TUSC3: variants seen among roughly 807,000 people sequenced by gnomAD.
The protein encoded by TUSC3 is dolichyl-diphosphooligosaccharide--protein glycosyltransferase subunit TUSC3.
A neutral mutation model predicts 44.8 loss-of-function variants in TUSC3; 45 were observed. The ratio of observed to expected loss-of-function variants is 1.00; its 90% CI spans 0.79 to 1.29. The LOEUF (loss-of-function observed/expected upper bound fraction) is 1.29, where lower values mean the gene tolerates loss of function less well. TUSC3 is among the 50% of genes most tolerant of loss of function. The pLI, the probability that TUSC3 is intolerant of heterozygous loss-of-function variation, is 0.00. For synonymous variants in TUSC3, 212 were observed against 152.9 expected (o/e 1.39, Z -2.85); for missense variants, 519 against 437.9 (o/e 1.19, Z -1.65).
intron 9 of TUSC3, among the ~76,000 whole-genome samples, chr8:15,751,439 C>T (rs1464317111): frequency 1.3e-5 from 2 of 152,142 alleles, no homozygotes; most frequent in African/African-American, 4.8e-5. Flanking sequence ...TTAGAGCCTT[C>T]TATGTCCCTT....
intron 2 of TUSC3, among the ~76,000 whole-genome samples, chr8:15,534,663 C>A (rs1279749511): frequency 2.2e-5 from 3 of 136,334 alleles, no homozygotes; most frequent in Non-Finnish European, 3.2e-5. Context: ...AAAAAAAAAA[C>A]TTCAGCCAAA....
chr8:15,631,668 TTG>T (rs147004169), intron 2 of TUSC3, among the ~76,000 whole-genome samples: 26,276 of 144,954 alleles, frequency 0.18, 2,522 homozygotes, highest in South Asian at 0.34. Flanking sequence ...TTTAAGGCTG[TTG>T]TGTGTGTGTG....
intron 6 of TUSC3, among the ~76,000 whole-genome samples, chr8:15,685,034 C>T (rs1359138510): frequency 6.6e-6 from 1 of 152,208 alleles, no homozygotes; most frequent in East Asian, 1.9e-4. Flanking sequence ...GCAGTAGCTA[C>T]AGCCACTCAG....
chr8:15,430,245 C>A lies in TUSC3; in HGVS notation n.91+12940C>A, dbSNP rs866723927. The stretch of plus-strand genomic sequence containing the variant: ...AAATCCTCAATAAAATACTGGCAAA[C>A]GGAATCCAGCAGCACATCAAAAAGC... On this transcript the variant is annotated intron_variant and non_coding_transcript_variant, in intron 1 of 5. Coordinates refer to the TUSC3 transcript ENST00000503191. 4.1e-3 allele frequency among the ~76,000 whole-genome samples: 522 copies of A among 128,880 alleles called. 1 individual carries two copies. The highest frequency in any genetic ancestry group is 0.014 in the Middle Eastern group (3 of 216). 84.6% of individuals were successfully genotyped at this position (128,880 alleles called of 152,430 possible).
intron 1 of TUSC3, among the ~76,000 whole-genome samples, chr8:15,439,953 A>G (rs1026675702): frequency 2.6e-5 from 4 of 152,184 alleles, no homozygotes; most frequent in Non-Finnish European, 4.4e-5. Context: ...TATTTCATCC[A>G]TTCATTTAAC....
intron 8 of TUSC3, among the ~76,000 whole-genome samples, chr8:15,747,241 T>C (rs73665496): frequency 2.6e-5 from 4 of 152,100 alleles, no homozygotes; most frequent in Non-Finnish European, 4.4e-5. Context: ...TTCCTTATTA[T>C]AGAATCATAT....
the TUSC3 span, among the ~76,000 whole-genome samples, chr8:15,788,637 G>T: frequency 6.6e-5 from 10 of 152,006 alleles, no homozygotes; most frequent in Non-Finnish European, 1.3e-4. Flanking sequence ...GCCTACCCCG[G>T]GGCTGATGGA....
chr8:15,769,019 A>T (rs1812396821), downstream of TUSC3, among the ~76,000 whole-genome samples: 1 of 152,168 alleles, frequency 6.6e-6, no homozygotes, highest in Non-Finnish European at 1.5e-5. Context: ...CTTATAGATT[A>T]AATGCTATCC....
intron 1 of TUSC3, among the ~76,000 whole-genome samples, chr8:15,556,572 T>A (rs1346005993): frequency 6.7e-6 from 1 of 148,624 alleles, no homozygotes; most frequent in East Asian, 2.1e-4. Context: ...CCCTGAGGAA[T>A]CGCCACACTG....
At chr8:15,466,586 T>A (rs911540990) in intron 1 of TUSC3, among the ~76,000 whole-genome samples, 1 of 152,272 alleles carries the variant, frequency 6.6e-6, no homozygotes, top group Non-Finnish European at 1.5e-5. Context: ...AATATTTGAG[T>A]TAGGAGACAT....
At chr8:15,718,616 G>C (rs1810161007) in intron 6 of TUSC3, among the ~76,000 whole-genome samples, 1 of 151,954 alleles carries the variant, frequency 6.6e-6, no homozygotes, top group African/African-American at 2.4e-5. Flanking sequence ...AAAGAGAATA[G>C]AACTTCATGG....
chr8:15,418,665 G>A (rs941680953), intron 1 of TUSC3, among the ~76,000 whole-genome samples: 5 of 152,156 alleles, frequency 3.3e-5, no homozygotes, highest in African/African-American at 4.8e-5. Flanking sequence ...AGGTTAAGAC[G>A]AAGAGCTCAA....
At chr8:15,440,889 A>C (rs1800012706) in intron 1 of TUSC3, among the ~76,000 whole-genome samples, 1 of 152,188 alleles carries the variant, frequency 6.6e-6, no homozygotes, top group African/African-American at 2.4e-5. Flanking sequence ...AGCTTGCTTG[A>C]GGATAACTCT....
chr8:15,741,642 G>A (rs970273132), intron 7 of TUSC3, among the ~76,000 whole-genome samples: 6 of 151,708 alleles, frequency 4.0e-5, no homozygotes, highest in Non-Finnish European at 8.8e-5. Flanking sequence ...AATCAAGATC[G>A]TGCCACTGCA....
intron 7 of TUSC3, among the ~76,000 whole-genome samples, chr8:15,731,459 G>C (rs1389241698): frequency 2.6e-5 from 4 of 152,022 alleles, no homozygotes; most frequent in Admixed American, 1.3e-4. Flanking sequence ...CAAATGTGTA[G>C]TCTAGACCAA....
At chr8:15,567,971 C>A (rs1042378299) in intron 1 of TUSC3, among the ~76,000 whole-genome samples, 6 of 152,050 alleles carry the variant, frequency 3.9e-5, no homozygotes, top group African/African-American at 1.4e-4. Context: ...TCCTTTTTCT[C>A]CTCTTTGTTT....
At chr8:15,773,548 C>G in the TUSC3 span, among the ~76,000 whole-genome samples, 4 of 152,052 alleles carry the variant, frequency 2.6e-5, no homozygotes, top group African/African-American at 9.7e-5. Flanking sequence ...ATTCAATTTC[C>G]TATTATAATC....
the TUSC3 span, among the ~76,000 whole-genome samples, chr8:15,834,460 G>C: frequency 2.0e-5 from 3 of 152,050 alleles, no homozygotes; most frequent in Admixed American, 6.6e-5. Flanking sequence ...TCATTTCTCA[G>C]TTAAGAACAA....
chr8:15,515,946 G>C (rs2129128723), intron 2 of TUSC3, among the ~76,000 whole-genome samples: 1 of 152,182 alleles, frequency 6.6e-6, no homozygotes, highest in East Asian at 1.9e-4. Flanking sequence ...TGGGATTAGA[G>C]GCATGAGCCA....
Sources: allele counts gnomAD v4.1 joint callset (sites outside exome capture counted in the v4.1 genomes callset), GRCh38; gene constraint gnomAD v4.1.1; transcripts MANE v1.5; gene names NCBI Gene and HGNC (gene_info 2026-07-23, HGNC 2026-07-21).